Variants in CNTNAP5 observed in about 807,000 individuals in gnomAD.
The protein encoded by CNTNAP5 is contactin-associated protein-like 5.
In CNTNAP5, 72 loss-of-function variants were observed where a neutral mutation model predicts 150.2. That is an observed-to-expected ratio of 0.48 (90% CI 0.40 to 0.58). The LOEUF is 0.58. CNTNAP5 is among the 20% of genes least tolerant of loss of function. The probability of loss-of-function intolerance (pLI) is 0.00; values close to 1 mark genes in which losing one functional copy is unlikely to be tolerated. For synonymous variants in CNTNAP5, 672 were observed against 619.8 expected (o/e 1.08, Z -1.25); for missense variants, 1,636 against 1,626.2 (o/e 1.01, Z -0.10).
chr2:124,388,581 T>C (rs570631500), intron 3 of CNTNAP5, among the ~76,000 whole-genome samples: 5 of 152,350 alleles, frequency 3.3e-5, no homozygotes, highest in African/African-American at 1.2e-4. Context: ...TCTCAGAGCA[T>C]TTATATGTTC....
intron 1 of CNTNAP5, among the ~76,000 whole-genome samples, chr2:124,107,962 G>T (rs1367555289): frequency 3.3e-5 from 5 of 152,198 alleles, no homozygotes; most frequent in Admixed American, 2.0e-4. Flanking sequence ...AAAGACAAAA[G>T]GTTGCATTAT....
At chr2:124,576,164 A>G (rs1002451309) in intron 11 of CNTNAP5, among the ~76,000 whole-genome samples, 4 of 151,996 alleles carry the variant, frequency 2.6e-5, no homozygotes, top group Non-Finnish European at 4.4e-5. Context: ...ATCTATATCT[A>G]TATCTATATA....
chr2:124,631,678 G>A (rs1415964477), intron 12 of CNTNAP5, among the ~76,000 whole-genome samples: 1 of 151,982 alleles, frequency 6.6e-6, no homozygotes, highest in Admixed American at 6.6e-5. Flanking sequence ...ACTTTATGAT[G>A]AAATTGCCAA....
chr2:124,783,753 T>C (rs1393267094), intron 17 of CNTNAP5, among the ~76,000 whole-genome samples: 2 of 152,182 alleles, frequency 1.3e-5, no homozygotes, highest in Admixed American at 6.6e-5. Flanking sequence ...AAATAAATTC[T>C]TCGTTCTGAT....
At chr2:124,839,181 G>C (rs114499492) in intron 19 of CNTNAP5, among the ~76,000 whole-genome samples, 1 of 152,020 alleles carries the variant, frequency 6.6e-6, no homozygotes, top group Non-Finnish European at 1.5e-5. Flanking sequence ...TTTGTGCAGA[G>C]GTTCTCCTAT....
chr2:124,041,332 C>A lies in CNTNAP5; in HGVS notation c.82+15600C>A, dbSNP rs1488221626. ...TTTGTGGTTCATCAGGAAATGATGTCATTTTGTGTATGAGGAAATAAAAAT... is the reference window on the plus strand; with the variant it reads ...TTTGTGGTTCATCAGGAAATGATGTAATTTTGTGTATGAGGAAATAAAAAT... On this transcript the variant is annotated intron_variant, in intron 1 of 23. Coordinates refer to ENST00000682447, the MANE Select transcript of CNTNAP5 (RefSeq NM_001367498.1). Among the ~76,000 whole-genome samples the A allele has an allele frequency of 2.0e-5, 3 of 152,090 alleles. No homozygotes were observed. In the East Asian group the frequency reaches 5.8e-4, roughly 29 times the overall value.
chr2:124,527,414 A>G lies in CNTNAP5; in HGVS notation c.1607A>G (p.Asn536Ser), dbSNP rs770753437. Residue 536 changes from asparagine (N) to serine (S), a missense_variant, in exon 10 of 24, where the codon AAT (asparagine) becomes AGT (serine). By Grantham distance (46) the Asn-to-Ser change is conservative. Coordinates refer to ENST00000682447, the MANE Select transcript of CNTNAP5 (RefSeq NM_001367498.1). ...TCAGTTCAGCAAGGTTCCCTGGGGA[A>G]TTTTAGTGATTTACACATTGATCTG... ...LISVQQGSLG[N>S]FSDLHIDLCS... is the part of the protein sequence containing the mutation. 6.2e-7 allele frequency: 1 copy of G among 1,613,754 alleles called. No homozygotes were observed. The highest frequency in any genetic ancestry group is 1.1e-5 in the South Asian group (1 of 91,078).
intron 12 of CNTNAP5, among the ~76,000 whole-genome samples, chr2:124,620,751 A>G (rs866057419): frequency 1.2e-3 from 142 of 123,146 alleles, no homozygotes; most frequent in South Asian, 6.1e-3. Flanking sequence ...ACATGCACAC[A>G]CACACACACA....
At chr2:124,168,995 C>G (rs190410807) in intron 1 of CNTNAP5, among the ~76,000 whole-genome samples, 27 of 152,308 alleles carry the variant, frequency 1.8e-4, no homozygotes, top group Admixed American at 1.7e-3. Flanking sequence ...AAGATTCTAC[C>G]TCTTCCTTGA....
At chr2:124,417,309 C>A in intron 3 of CNTNAP5, 134 bp from the exon 4 acceptor site, 2 of 860,460 alleles carry the variant, frequency 2.3e-6, no homozygotes, top group Non-Finnish European at 3.5e-6. Flanking sequence ...GATTTTCACC[C>A]AAGTCATATT....
At chr2:124,839,029 G>A (rs927042093) in intron 19 of CNTNAP5, among the ~76,000 whole-genome samples, 1 of 152,034 alleles carries the variant, frequency 6.6e-6, no homozygotes, top group Admixed American at 6.6e-5. Flanking sequence ...ACTGTTTCAT[G>A]TGACAAAATT....
intron 14 of CNTNAP5, 79 bp from the exon 15 acceptor site, chr2:124,763,593 T>C: frequency 1.4e-6 from 2 of 1,440,334 alleles, no homozygotes; most frequent in Non-Finnish European, 1.9e-6. Flanking sequence ...AAATCACTTC[T>C]GAAAAGAGGG....
intron 7 of CNTNAP5, among the ~76,000 whole-genome samples, chr2:124,480,120 G>A (rs146389607): frequency 1.3e-5 from 2 of 152,184 alleles, no homozygotes; most frequent in African/African-American, 4.8e-5. Context: ...GATAGCTCCT[G>A]TTCTTTCCTG....
intron 1 of CNTNAP5, among the ~76,000 whole-genome samples, chr2:124,129,567 T>C (rs547707918): frequency 6.6e-6 from 1 of 152,330 alleles, no homozygotes; most frequent in East Asian, 1.9e-4. Flanking sequence ...GGGGTGAGTG[T>C]AGGACTTCCT....
intron 3 of CNTNAP5, among the ~76,000 whole-genome samples, chr2:124,320,613 T>C (rs1467028922): frequency 6.6e-6 from 1 of 152,116 alleles, no homozygotes; most frequent in Non-Finnish European, 1.5e-5. Context: ...CAAACAAGCT[T>C]TCTGTGCACC....
intron 13 of CNTNAP5, among the ~76,000 whole-genome samples, chr2:124,661,392 A>G (rs1030957178): frequency 6.6e-6 from 1 of 152,094 alleles, no homozygotes; most frequent in African/African-American, 2.4e-5. Flanking sequence ...ACAAATACAC[A>G]TACTAAACTG....
chr2:124,108,560 G>A (rs1480501474), intron 1 of CNTNAP5, among the ~76,000 whole-genome samples: 1 of 152,110 alleles, frequency 6.6e-6, no homozygotes, highest in African/African-American at 2.4e-5. Context: ...CCCGTGCTCT[G>A]TGCCATGTCT....
intron 3 of CNTNAP5, among the ~76,000 whole-genome samples, chr2:124,371,528 C>T (rs1288222673): frequency 6.6e-6 from 1 of 152,084 alleles, no homozygotes; most frequent in East Asian, 1.9e-4. Flanking sequence ...ACATTTTCAA[C>T]TGCAGGATTT....
intron 11 of CNTNAP5, among the ~76,000 whole-genome samples, chr2:124,608,261 G>T (rs1677298872): frequency 1.3e-5 from 2 of 152,132 alleles, no homozygotes. Context: ...GCTGCTCTGA[G>T]CAACAGCATT....
Sources: allele counts gnomAD v4.1 joint callset (sites outside exome capture counted in the v4.1 genomes callset), GRCh38; gene constraint gnomAD v4.1.1; transcripts MANE v1.5; gene names NCBI Gene and HGNC (gene_info 2026-07-23, HGNC 2026-07-21).